Variants in CALY observed in about 807,000 individuals in gnomAD.
The protein encoded by CALY is neuron-specific vesicular protein calcyon.
Under a neutral mutation model 20.2 loss-of-function variants are expected in CALY, and 15 were observed. That is an observed-to-expected ratio of 0.74 (90% CI 0.50 to 1.14). CALY has a LOEUF of 1.14. Among genes scored for constraint, CALY ranks in the 50% most tolerant of loss-of-function variants. CALY has a pLI of 0.00. For missense variants in CALY, 270 were observed against 304.4 expected (o/e 0.89, Z 0.84); for synonymous variants, 129 against 131.8 (o/e 0.98, Z 0.15).
intron 1 of CALY, among the ~76,000 whole-genome samples, chr10:133,331,847 T>A (rs947488525): frequency 2.6e-5 from 4 of 152,158 alleles, no homozygotes; most frequent in Admixed American, 1.3e-4. Flanking sequence ...GAACATGGAT[T>A]GCCAGGCACA....
At chr10:133,331,869 C>T (rs559408620) in intron 1 of CALY, among the ~76,000 whole-genome samples, 1 of 152,322 alleles carries the variant, frequency 6.6e-6, no homozygotes, top group East Asian at 1.9e-4. Context: ...TGGCTCACGC[C>T]TGTAGTCCCA....
At chr10:133,328,087 G>C in intron 2 of CALY, 72 bp from the exon 3 acceptor site, 1 of 906,748 alleles carries the variant, frequency 1.1e-6, no homozygotes, top group East Asian at 2.6e-5. Context: ...ACTGAGAGGG[G>C]AGGGAGCCAG....
chr10:133,332,658 G>A (rs1310322367), intron 1 of CALY, among the ~76,000 whole-genome samples: 1 of 152,196 alleles, frequency 6.6e-6, no homozygotes, highest in Non-Finnish European at 1.5e-5. Context: ...CAAGTCCTAG[G>A]ATCTGAGTGA....
chr10:133,335,690 A>T (rs1848428390), intron 1 of CALY, among the ~76,000 whole-genome samples: 1 of 152,128 alleles, frequency 6.6e-6, no homozygotes. Context: ...CCTCCCACGG[A>T]TGACACGCGG....
intron 4 of CALY, 99 bp downstream of exon 4, chr10:133,326,779 G>A (rs1052981957): frequency 4.3e-5 from 31 of 723,868 alleles, no homozygotes; most frequent in South Asian, 3.4e-4. Context: ...TGGAGACCAC[G>A]TTCCCCCAGC....
In CALY at chr10:133,325,872, C is replaced by G. The variant is rs2136166772; in HGVS notation, c.609G>C (p.Ala203=). ...CCGCGCTCCCGGCCGCCTTCCGCGC[C>G]GCCTCCTTCTCCGCCTTGGCCGACG... is the stretch of plus-strand genomic sequence containing the variant. ...GKPSAKAEKE[A]ARKAAGSAAP... The change falls in exon 5 of 6, where the codon GCG becomes GCC. Residue 203 remains alanine, a synonymous_variant. Transcript: ENST00000252939. The G allele has an allele frequency of 8.0e-7, 1 of 1,247,756 alleles. No homozygotes were observed. The highest frequency in any genetic ancestry group is 3.5e-5 in the South Asian group (1 of 28,414). The allele number at this position is 1,247,756 out of a possible 1,614,324, so 77.3% of individuals were successfully genotyped here.
At chr10:133,327,029 C>G (rs944507962) in intron 3 of CALY, 38 bp from the exon 4 acceptor site, 4 of 1,449,128 alleles carry the variant, frequency 2.8e-6, no homozygotes, top group Non-Finnish European at 3.8e-6. Context: ...CCACGCCAGG[C>G]AGGGGCGGTC....
rs1166154892 is a variant in CALY, at chr10:133,326,286, G to A, written c.361-166C>T. 7.1e-6 allele frequency: 11 copies of A among 1,550,162 alleles called. No individual in the cohort carries two copies. In the East Asian group the frequency reaches 2.0e-4, roughly 28 times the overall value. ...CCAGTTCAGAACTCAGGGCCCTGGAGGGGCATGGAGCAGGAGGTCGCGCGT... is the reference window on the plus strand; with the variant it reads ...CCAGTTCAGAACTCAGGGCCCTGGAAGGGCATGGAGCAGGAGGTCGCGCGT... On this transcript the variant is annotated intron_variant, in intron 4 of 5. Transcript: ENST00000252939.
intron 2 of CALY, 108 bp from the exon 3 acceptor site, chr10:133,328,123 A>T (rs1848244739): frequency 9.8e-6 from 7 of 713,302 alleles, no homozygotes; most frequent in South Asian, 9.3e-5. Context: ...AGTGGTGTTG[A>T]CGCTGACCCA....
chr10:133,328,068 G>T (rs2298122), intron 2 of CALY, 53 bp from the exon 3 acceptor site: 899,230 of 1,132,222 alleles, frequency 0.79, 361,488 homozygotes, highest in East Asian at 0.92. Flanking sequence ...GGACCCAAGA[G>T]AGCCCTGAAC....
chr10:133,328,051 C>G, intron 2 of CALY, 36 bp from the exon 3 acceptor site: 1 of 1,359,690 alleles, frequency 7.4e-7, no homozygotes. Context: ...CAGTAGGCAG[C>G]TGGCAGGGAC....
intron 2 of CALY, among the ~76,000 whole-genome samples, chr10:133,328,620 A>G (rs1848252763): frequency 6.6e-6 from 1 of 152,188 alleles, no homozygotes; most frequent in Admixed American, 6.5e-5. Context: ...TCTAGGAGTC[A>G]GTGCGTGAAT....
At chr10:133,333,427 G>T (rs904176020) in intron 1 of CALY, among the ~76,000 whole-genome samples, 1 of 146,266 alleles carries the variant, frequency 6.8e-6, no homozygotes, top group Non-Finnish European at 1.5e-5. Context: ...GATCTGAAGG[G>T]AAGGGACCCC....
chr10:133,326,098 G>A lies in CALY; in HGVS notation c.383C>T (p.Thr128Ile). 1 of 1,597,800 alleles carries A rather than the reference G, an allele frequency of 6.3e-7. No homozygotes were observed. Among genetic ancestry groups the A allele is most frequent in the African/African-American group, 1.3e-5 (1 of 74,760 alleles). ...LLRHKICTPLTLEMYYTEMDP... is the reference protein window; with the variant it reads ...LLRHKICTPLILEMYYTEMDP... ...CATCTCCGTGTAGTACATCTCCAGG[G>A]TCAGCGGCGTGCAGATCTTGTGCTG... Residue 128 changes from threonine (T) to isoleucine (I), a missense_variant, in exon 5 of 6, where the codon ACC becomes ATC. Physicochemically the swap from Thr to Ile is moderately conservative, Grantham distance 89. Transcript: ENST00000252939.
At chr10:133,330,008 G>A (rs2133379486) in intron 1 of CALY, among the ~76,000 whole-genome samples, 1 of 152,358 alleles carries the variant, frequency 6.6e-6, no homozygotes, top group Admixed American at 6.5e-5. Context: ...GCAGGGCCCC[G>A]CGGGGCTGGG....
intron 3 of CALY, chr10:133,327,395 T>G (rs1326572515): frequency 4.2e-6 from 2 of 472,186 alleles, no homozygotes; most frequent in African/African-American, 2.0e-5. Flanking sequence ...TGTGGTAACA[T>G]GAGCTGCAGA....
In CALY at chr10:133,325,932, C is replaced by T; in HGVS notation, c.549G>A (p.Gly183=). 3.0e-6 allele frequency: 4 copies of T among 1,341,506 alleles called. No individual in the cohort carries two copies. Among genetic ancestry groups the T allele is most frequent in the Non-Finnish European group, 3.8e-6 (4 of 1,039,202 alleles). 83.1% of individuals were successfully genotyped at this position (1,341,506 alleles called of 1,614,324 possible). A position where few individuals can be genotyped will look rare whatever the true frequency, so the allele number is the denominator to read the frequency against. The part of the protein sequence containing the change: ...KEERKGPTQA[G]AAAAATEPPG... ...GGGGTTCGGTGGCCGCCGCCGCCGC[C>T]CCAGCCTGGGTGGGCCCCTTGCGCT... The change falls in exon 5 of 6, where the codon GGG becomes GGA. Residue 183 remains glycine, a synonymous_variant. Transcript: ENST00000252939.
At position 133,325,851 on chromosome 10, in the gene CALY, G is replaced by C; in HGVS notation, c.630C>G (p.Ser210Arg). Residue 210 changes from serine to arginine, a missense_variant, in exon 5 of 6, where the codon AGC becomes AGG. By Grantham distance (110) the Ser-to-Arg change is moderately radical (BLOSUM62 -1). Coordinates refer to ENST00000252939, the MANE Select transcript of CALY (RefSeq NM_015722.4). ...EKEAARKAAG[S>R]AAPPPAQ is the part of the protein sequence containing the mutation. ...GTCACTGCGCGGGCGGGGGCGCCGC[G>C]CTCCCGGCCGCCTTCCGCGCCGCCT... 8.1e-7 allele frequency: 1 copy of C among 1,233,290 alleles called. No individual in the cohort carries two copies. The highest frequency in any genetic ancestry group is 3.7e-5 in the South Asian group (1 of 27,016). The allele number at this position is 1,233,290 out of a possible 1,614,324, so 76.4% of individuals were successfully genotyped here.
At position 133,324,926 on chromosome 10, in the gene CALY, A is replaced by AGAT; in HGVS notation, c.*668_*669insATC. On this transcript the variant is annotated 3_prime_UTR_variant, in exon 6 of 6. Transcript: ENST00000252939. The stretch of plus-strand genomic sequence containing the variant: ...CACCCCTCATCAGGCCCCACTCCCC[A>AGAT]CTCAGACGCCCCCATTCACTCCTTT... 3.2e-5 allele frequency: 7 copies of AGAT among 218,874 alleles called. No homozygotes were observed. Among genetic ancestry groups the AGAT allele is most frequent in the South Asian group, 1.1e-4 (2 of 18,506 alleles). 13.6% of individuals were successfully genotyped at this position (218,874 alleles called of 1,614,324 possible).
Sources: gnomAD v4.1 joint callset for allele counts (sites outside exome capture counted in the v4.1 genomes callset) on GRCh38, gnomAD v4.1.1 for gene constraint, MANE v1.5 for transcripts, NCBI Gene and HGNC (gene_info 2026-07-23, HGNC 2026-07-21) for gene names.